Variants in KSR2 observed in about 807,000 individuals in gnomAD.
KSR2 encodes kinase suppressor of ras 2.
In KSR2, 25 loss-of-function variants were observed where a neutral mutation model predicts 107.8. The ratio of observed to expected loss-of-function variants is 0.23; its 90% CI spans 0.17 to 0.32. The LOEUF is 0.32. Among genes scored for constraint, KSR2 ranks in the 10% least tolerant of loss-of-function variants. The pLI, the probability that KSR2 is intolerant of heterozygous loss-of-function variation, is 1.00. For missense variants in KSR2, 887 were observed against 1,268.9 expected (o/e 0.70, Z 4.57); for synonymous variants, 480 against 507.0 (o/e 0.95, Z 0.71).
At chr12:117,557,935 T>C (rs1457481917) in intron 8 of KSR2, among the ~76,000 whole-genome samples, 1 of 152,184 alleles carries the variant, frequency 6.6e-6, no homozygotes, top group Non-Finnish European at 1.5e-5. Context: ...CTTCTGTCTT[T>C]CCTTCCAGCC....
chr12:117,550,710 C>T (rs1877237455), intron 9 of KSR2, among the ~76,000 whole-genome samples: 1 of 152,232 alleles, frequency 6.6e-6, no homozygotes, highest in African/African-American at 2.4e-5. Flanking sequence ...GAGGCAGAAG[C>T]AATGACAGAG....
intron 7 of KSR2, among the ~76,000 whole-genome samples, chr12:117,567,792 T>C (rs536601541): frequency 3.6e-4 from 54 of 151,516 alleles, no homozygotes; most frequent in African/African-American, 1.3e-3. Flanking sequence ...GAGCCAATGC[T>C]TCTAGAAATG....
chr12:117,850,006 T>C (rs1892860140), intron 3 of KSR2, among the ~76,000 whole-genome samples: 1 of 152,256 alleles, frequency 6.6e-6, no homozygotes. Context: ...GGAAAGATAC[T>C]AGTTTATTCC....
intron 18 of KSR2, 91 bp from the exon 19 acceptor site, chr12:117,469,886 C>G: frequency 7.9e-7 from 1 of 1,271,096 alleles, no homozygotes; most frequent in Non-Finnish European, 1.1e-6. Flanking sequence ...TTTGTCCACT[C>G]ATCTGCCCCA....
In KSR2 at chr12:117,461,126, T is replaced by G. The variant is rs1244214480; in HGVS notation, c.*6073A>C. The stretch of plus-strand genomic sequence containing the variant: ...CCCTGTCTGTACAACAAATAAAAAA[T>G]TAGCCAGGCATGATGGTGTGCACCT... On this transcript the variant is annotated 3_prime_UTR_variant, in exon 20 of 20. Coordinates refer to ENST00000339824, the MANE Select transcript of KSR2 (RefSeq NM_173598.6). The G allele has an allele frequency of 6.6e-6, 1 of 152,106 alleles. No individual in the cohort carries two copies. Among genetic ancestry groups the G allele is most frequent in the African/African-American group, 2.4e-5 (1 of 41,402 alleles). 9.4% of individuals were successfully genotyped at this position (152,106 alleles called of 1,614,324 possible).
intron 5 of KSR2, among the ~76,000 whole-genome samples, chr12:117,609,760 G>A (rs1447335790): frequency 6.6e-6 from 1 of 152,182 alleles, no homozygotes; most frequent in Admixed American, 6.5e-5. Context: ...TCATGTTGGA[G>A]GATGGTGCTG....
At chr12:117,671,322 T>G (rs182310908) in intron 4 of KSR2, among the ~76,000 whole-genome samples, 5 of 152,272 alleles carry the variant, frequency 3.3e-5, no homozygotes, top group Admixed American at 2.6e-4. Context: ...CTCTCTCGAT[T>G]GATTGATCAT....
At chr12:117,773,492 G>A (rs554127158) in intron 3 of KSR2, among the ~76,000 whole-genome samples, 18 of 152,272 alleles carry the variant, frequency 1.2e-4, no homozygotes, top group Non-Finnish European at 2.1e-4. Context: ...AGGCAATCAC[G>A]TGGCTTAAAT....
In KSR2 at chr12:117,485,710, A is replaced by G; in HGVS notation, c.2220-19T>C. Reference sequence around the variant, plus strand: ...ACAGAGGCTGAAAAGCAAAAGGACAAGATAAATTAATGGCAGTCGTTCAGA... The same window carrying G: ...ACAGAGGCTGAAAAGCAAAAGGACAGGATAAATTAATGGCAGTCGTTCAGA... On this transcript the variant is annotated intron_variant, in intron 14 of 19. Transcript: ENST00000339824. 1 of 1,563,598 alleles carries G rather than the reference A, an allele frequency of 6.4e-7. No individual in the cohort carries two copies.
chr12:117,546,060 T>C (rs1876847123), intron 9 of KSR2, among the ~76,000 whole-genome samples: 1 of 152,232 alleles, frequency 6.6e-6, no homozygotes, highest in African/African-American at 2.4e-5. Flanking sequence ...TACTAGTATT[T>C]GTACACTTTT....
At position 117,868,757 on chromosome 12, in the gene KSR2, C is replaced by CT. The variant is rs111436269; in HGVS notation, c.181-8327dup. 6.2e-4 allele frequency among the ~76,000 whole-genome samples: 92 copies of CT among 148,158 alleles called. No individual in the cohort carries two copies. In the South Asian group the frequency reaches 9.2e-3, roughly 15 times the overall value. On this transcript the variant is annotated intron_variant, in intron 1 of 19. Transcript: ENST00000339824. ...TAAATGCATGCATATATTTTCTTTT[C>CT]TTTTTTTTTTTGAGACAGAGTCTTA...
intron 1 of KSR2, among the ~76,000 whole-genome samples, chr12:117,935,628 G>C (rs893068400): frequency 1.3e-5 from 2 of 152,190 alleles, no homozygotes; most frequent in African/African-American, 4.8e-5. Context: ...GGTCGTAGTA[G>C]TGGGCGCCTG....
chr12:117,748,881 G>A (rs931957640), intron 4 of KSR2, among the ~76,000 whole-genome samples: 16 of 151,994 alleles, frequency 1.1e-4, no homozygotes, highest in Admixed American at 9.2e-4. Context: ...GAGAGGTGAG[G>A]CAGGGGAGAA....
intron 1 of KSR2, among the ~76,000 whole-genome samples, chr12:117,932,184 G>A (rs2137501501): frequency 6.6e-6 from 1 of 152,282 alleles, no homozygotes; most frequent in East Asian, 1.9e-4. Flanking sequence ...CTATTCAGGA[G>A]GCTGAGGTAG....
At chr12:117,781,101 GTC>G (rs1055088639) in intron 3 of KSR2, among the ~76,000 whole-genome samples, 8 of 152,154 alleles carry the variant, frequency 5.3e-5, no homozygotes, top group Non-Finnish European at 8.8e-5. Context: ...CAGTGAAAAA[GTC>G]TCACAAGATC....
At chr12:117,898,335 C>CTT (rs763844468) in intron 1 of KSR2, among the ~76,000 whole-genome samples, 7 of 144,118 alleles carry the variant, frequency 4.9e-5, no homozygotes, top group Admixed American at 6.9e-5. Context: ...TTTTTTTTAA[C>CTT]TTTTTTTTTT....
chr12:117,654,887 C>A (rs1884070967), intron 5 of KSR2, among the ~76,000 whole-genome samples: 1 of 152,146 alleles, frequency 6.6e-6, no homozygotes, highest in Non-Finnish European at 1.5e-5. Flanking sequence ...CTGTCATTGC[C>A]CAATGTGCCC....
chr12:117,619,073 C>T (rs1882030829), intron 5 of KSR2, among the ~76,000 whole-genome samples: 1 of 152,166 alleles, frequency 6.6e-6, no homozygotes, highest in Admixed American at 6.6e-5. Flanking sequence ...TAACTCCCAC[C>T]TTCAAGAAAC....
intron 5 of KSR2, among the ~76,000 whole-genome samples, chr12:117,617,811 A>G (rs536267416): frequency 2.0e-5 from 3 of 152,342 alleles, no homozygotes; most frequent in East Asian, 3.9e-4. Context: ...CCAACTATAT[A>G]TGAGTATAAT....
Sources: allele counts gnomAD v4.1 joint callset (sites outside exome capture counted in the v4.1 genomes callset), GRCh38; gene constraint gnomAD v4.1.1; transcripts MANE v1.5; gene names NCBI Gene and HGNC (gene_info 2026-07-23, HGNC 2026-07-21).